SHTN1: variants seen among roughly 807,000 people sequenced by gnomAD.
SHTN1 encodes shootin-1.
In SHTN1, 42 loss-of-function variants were observed where a neutral mutation model predicts 83.1. That is an observed-to-expected ratio of 0.51 (90% CI 0.39 to 0.65). SHTN1 has a LOEUF of 0.65. Among genes scored for constraint, SHTN1 ranks in the 30% least tolerant of loss-of-function variants. The pLI is 0.00. For synonymous variants in SHTN1, 224 were observed against 247.7 expected, an observed-to-expected ratio of 0.90 and a Z score of 0.90; for missense variants, 622 against 737.8, an observed-to-expected ratio of 0.84 and a Z score of 1.82.
chr10:117,093,450 T>C (rs531362984), intron 1 of SHTN1, among the ~76,000 whole-genome samples: 1 of 151,416 alleles, frequency 6.6e-6, no homozygotes, highest in Non-Finnish European at 1.5e-5. Flanking sequence ...GAGGCCGAGG[T>C]GGGAGGATAA....
At chr10:117,029,411 T>C (rs927618133) in intron 2 of SHTN1, among the ~76,000 whole-genome samples, 2 of 152,190 alleles carry the variant, frequency 1.3e-5, no homozygotes, top group Non-Finnish European at 2.9e-5. Context: ...TTGGGGATTG[T>C]TGAGAAGGCA....
chr10:117,052,816 G>C (rs12251711), intron 1 of SHTN1, among the ~76,000 whole-genome samples: 1 of 150,404 alleles, frequency 6.6e-6, no homozygotes, highest in African/African-American at 2.4e-5. Flanking sequence ...CCAGGAGATC[G>C]AGACCATCCT....
At chr10:117,120,933 C>T (rs1853914959) in intron 1 of SHTN1, among the ~76,000 whole-genome samples, 1 of 151,984 alleles carries the variant, frequency 6.6e-6, no homozygotes, top group African/African-American at 2.4e-5. Flanking sequence ...CCTCAGCCTC[C>T]CTAGTAGCTG....
At chr10:116,967,429 A>G (rs1418085655) in intron 3 of SHTN1, among the ~76,000 whole-genome samples, 18 of 152,218 alleles carry the variant, frequency 1.2e-4, no homozygotes, top group Admixed American at 1.1e-3. Context: ...CTATTTTTGA[A>G]CCACTTTATT....
chr10:117,052,021 T>TATAGAA (rs1491406210), intron 1 of SHTN1, among the ~76,000 whole-genome samples: 1 of 136,560 alleles, frequency 7.3e-6, no homozygotes, highest in African/African-American at 2.7e-5. Flanking sequence ...TATATATATA[T>TATAGAA]AGAAAAGCCT....
chr10:117,093,741 C>T (rs888496650), intron 1 of SHTN1, among the ~76,000 whole-genome samples: 1 of 152,152 alleles, frequency 6.6e-6, no homozygotes, highest in Admixed American at 6.5e-5. Context: ...GAACCACACA[C>T]AATGGGCATT....
intron 1 of SHTN1, among the ~76,000 whole-genome samples, chr10:117,104,553 G>A (rs188665360): frequency 0.011 from 1,736 of 152,192 alleles, 11 homozygotes; most frequent in Middle Eastern, 0.037. Flanking sequence ...GGCGGATCAC[G>A]AGGTCAGGAA....
At chr10:116,940,387 T>C in intron 9 of SHTN1, 79 bp downstream of exon 9, 6 of 1,417,080 alleles carry the variant, frequency 4.2e-6, no homozygotes, top group Non-Finnish European at 5.8e-6. Context: ...CTGACTGCAC[T>C]GGCTCCCTTC....
chr10:116,930,238 T>G (rs1848908486), intron 9 of SHTN1, among the ~76,000 whole-genome samples: 2 of 152,156 alleles, frequency 1.3e-5, no homozygotes, highest in Non-Finnish European at 2.9e-5. Context: ...TTTAATTTTT[T>G]TTAAGTTTTA....
At chr10:117,021,101 G>A (rs776093672) in intron 2 of SHTN1, among the ~76,000 whole-genome samples, 3 of 152,186 alleles carry the variant, frequency 2.0e-5, no homozygotes, top group Non-Finnish European at 2.9e-5. Flanking sequence ...GGCCAGGCGC[G>A]GTGGCTCACG....
chr10:116,972,256 G>C (rs1850643622), intron 2 of SHTN1, among the ~76,000 whole-genome samples: 1 of 152,146 alleles, frequency 6.6e-6, no homozygotes, highest in Non-Finnish European at 1.5e-5. Flanking sequence ...TGTTCTATCA[G>C]GGGTCTTCAT....
At chr10:116,893,328 G>A (rs1006161666) in intron 16 of SHTN1, among the ~76,000 whole-genome samples, 2 of 152,080 alleles carry the variant, frequency 1.3e-5, no homozygotes, top group African/African-American at 2.4e-5. Flanking sequence ...ATGTACAGGC[G>A]CACATGGAGA....
chr10:116,908,055 A>G, intron 14 of SHTN1: 2 of 431,496 alleles, frequency 4.6e-6, no homozygotes, highest in South Asian at 3.3e-5. Context: ...CTCATAATTA[A>G]CCTCTATTAA....
At chr10:117,009,211 A>T (rs187636901), upstream of SHTN1, among the ~76,000 whole-genome samples, 27 of 152,296 alleles carry the variant, frequency 1.8e-4, no homozygotes, top group African/African-American at 6.5e-4. Context: ...ACATTTTTTT[A>T]AAAACTAAGT....
chr10:116,990,845 G>A (rs78689877), intron 1 of SHTN1, among the ~76,000 whole-genome samples: 107 of 152,024 alleles, frequency 7.0e-4, no homozygotes, highest in African/African-American at 2.2e-3. Context: ...TTGGAAGGGC[G>A]GCATCTTCTA....
intron 8 of SHTN1, 30 bp from the exon 9 acceptor site, chr10:116,940,642 A>T: frequency 6.5e-7 from 1 of 1,548,892 alleles, no homozygotes; most frequent in Non-Finnish European, 8.8e-7. Context: ...GAATGTATAT[A>T]TCAATCAATC....
At chr10:117,104,586 A>C (rs1853646379) in intron 1 of SHTN1, among the ~76,000 whole-genome samples, 1 of 152,050 alleles carries the variant, frequency 6.6e-6, no homozygotes. Context: ...CTGGCTAACA[A>C]ACACAGTGAA....
chr10:116,949,048 G>A, intron 6 of SHTN1, 51 bp from the exon 7 acceptor site: 1 of 1,454,284 alleles, frequency 6.9e-7, no homozygotes, highest in South Asian at 1.5e-5. Flanking sequence ...TGTAAAACAG[G>A]ACATATGGCA....
chr10:116,985,603 T>TC (rs1286982854), intron 1 of SHTN1, among the ~76,000 whole-genome samples: 3 of 152,174 alleles, frequency 2.0e-5, no homozygotes, highest in African/African-American at 7.2e-5. Context: ...CATACTCTCC[T>TC]CCCCATGGTA....
Sources: allele counts gnomAD v4.1 joint callset (sites outside exome capture counted in the v4.1 genomes callset), GRCh38; gene constraint gnomAD v4.1.1; transcripts MANE v1.5; gene names NCBI Gene and HGNC (gene_info 2026-07-23, HGNC 2026-07-21).